Variants in MARCHF5 observed in about 807,000 individuals in gnomAD.
MARCHF5 encodes E3 ubiquitin-protein ligase MARCHF5.
MARCHF5 carries 5 observed loss-of-function variants against 36.5 expected under a neutral mutation model. That is an observed-to-expected ratio of 0.14 (90% confidence interval 0.07 to 0.29). The LOEUF (loss-of-function observed/expected upper bound fraction) is 0.29, where lower values mean the gene tolerates loss of function less well. Ranked by LOEUF, MARCHF5 falls within the 10% of genes least tolerant of loss-of-function variation. MARCHF5 has a pLI of 1.00. For synonymous variants in MARCHF5, 103 were observed against 109.9 expected (o/e 0.94, Z 0.39); for missense variants, 179 against 336.3 (o/e 0.53, Z 3.66).
intron 3 of MARCHF5, among the ~76,000 whole-genome samples, chr10:92,342,609 A>G (rs1843593365): frequency 6.6e-6 from 1 of 152,186 alleles, no homozygotes. Flanking sequence ...TTCTTGGTTT[A>G]TCTGACTTCA....
At chr10:92,320,904 C>G (rs535183981) in intron 2 of MARCHF5, among the ~76,000 whole-genome samples, 2 of 152,174 alleles carry the variant, frequency 1.3e-5, no homozygotes, top group East Asian at 1.9e-4. Flanking sequence ...CACTGAATCA[C>G]CCAGAGCAAC....
chr10:92,322,308 C>G (rs1296926006), intron 2 of MARCHF5, among the ~76,000 whole-genome samples: 1 of 135,672 alleles, frequency 7.4e-6, no homozygotes, highest in Non-Finnish European at 1.6e-5. Context: ...TTCTTGCATT[C>G]TCTGTTTCAT....
rs1322325693 is a variant in MARCHF5 at position 92,353,148 on chromosome 10, C to G, written c.*1941C>G. 6.6e-6 allele frequency: 1 copy of G among 151,964 alleles called. No homozygotes were observed. The highest frequency in any genetic ancestry group is 6.6e-5 in the Admixed American group (1 of 15,238). The allele number at this position is 151,964 out of a possible 1,614,324, so 9.4% of individuals were successfully genotyped here. A position where few individuals can be genotyped will look rare whatever the true frequency, so the allele number is the denominator to read the frequency against. On this transcript the variant is annotated 3_prime_UTR_variant, in exon 6 of 6. Coordinates refer to ENST00000358935, the MANE Select transcript of MARCHF5 (RefSeq NM_017824.5). ...AGGAGGGAGGGTTTTTTTAGGGTTG[C>G]GGGGAGGGAACTGCAAGTGCCTGAG...
intron 2 of MARCHF5, among the ~76,000 whole-genome samples, chr10:92,330,597 C>T (rs1344826323): frequency 2.0e-5 from 3 of 152,114 alleles, no homozygotes; most frequent in African/African-American, 4.8e-5. Flanking sequence ...CTATATACCA[C>T]AAGTTTTTTC....
chr10:92,336,827 C>T (rs144044085), intron 2 of MARCHF5, among the ~76,000 whole-genome samples: 72 of 152,146 alleles, frequency 4.7e-4, no homozygotes, highest in African/African-American at 1.7e-3. Context: ...GAAAGAAAAA[C>T]GAGAGATGTT....
At chr10:92,308,396 A>G (rs1843102995) in intron 1 of MARCHF5, 2 of 152,130 alleles carry the variant, frequency 1.3e-5, no homozygotes, top group African/African-American at 2.4e-5. Flanking sequence ...CTTTACTGCA[A>G]CCTGTTTTAT....
intron 2 of MARCHF5, among the ~76,000 whole-genome samples, chr10:92,328,810 T>C (rs1843400262): frequency 1.5e-5 from 1 of 67,812 alleles, no homozygotes; most frequent in African/African-American, 3.8e-5. Flanking sequence ...ATTATATATA[T>C]ATATATATAT....
intron 5 of MARCHF5, 35 bp from the exon 6 acceptor site, chr10:92,351,056 G>A (rs1336420028): frequency 8.7e-7 from 1 of 1,143,338 alleles, no homozygotes; most frequent in Non-Finnish European, 1.3e-6. Flanking sequence ...CTCTAAATCT[G>A]CATTATAAAA....
At position 92,351,329 on chromosome 10, in the gene MARCHF5, AAT is replaced by A; in HGVS notation, c.*126_*127del. 1 of 610,850 alleles carries A rather than the reference AAT, an allele frequency of 1.6e-6. No homozygotes were observed. Among genetic ancestry groups the A allele is most frequent in the Non-Finnish European group, 2.9e-6 (1 of 348,618 alleles). The allele number at this position is 610,850 out of a possible 1,614,324, so 37.8% of individuals were successfully genotyped here. A position where few individuals can be genotyped will look rare whatever the true frequency, so the allele number is the denominator to read the frequency against. On this transcript the variant is annotated 3_prime_UTR_variant, in exon 6 of 6. Transcript: ENST00000358935. ...GCTGCTGCTCCTATATTTTTTAAGA[AAT>A]ATAATAAAGCACTTAGGGCAGGGGA...
At chr10:92,337,671 G>C (rs907802427) in intron 2 of MARCHF5, among the ~76,000 whole-genome samples, 1 of 151,958 alleles carries the variant, frequency 6.6e-6, no homozygotes, top group Non-Finnish European at 1.5e-5. Context: ...TAGCATGTTT[G>C]TTTGATGAGG....
In MARCHF5 at chr10:92,322,321, T is replaced by C. The variant is rs145568623; in HGVS notation, c.238+10984T>C. ...TATTCTTGCATTCTCTGTTTCATTT[T>C]TATCCACCCTAATATTTATGTCCTT... On this transcript the variant is annotated intron_variant, in intron 2 of 5. Coordinates refer to ENST00000358935, the MANE Select transcript of MARCHF5 (RefSeq NM_017824.5). Among the ~76,000 whole-genome samples, 199 of 150,892 alleles carry C rather than the reference T, an allele frequency of 1.3e-3. 3 individuals carry two copies. The East Asian group carries it at 0.036, about 27-fold the overall frequency.
chr10:92,302,422 C>T (rs529864624), intron 1 of MARCHF5, among the ~76,000 whole-genome samples: 166 of 150,010 alleles, frequency 1.1e-3, no homozygotes, highest in African/African-American at 3.6e-3. Context: ...ATAAGCAACA[C>T]GTAGTTTTCT....
chr10:92,347,888 A>G (rs1843672671), intron 3 of MARCHF5, among the ~76,000 whole-genome samples: 1 of 152,214 alleles, frequency 6.6e-6, no homozygotes, highest in Admixed American at 6.5e-5. Flanking sequence ...ACACTTTCAT[A>G]AAACATTTCT....
At chr10:92,298,483 C>G (rs1842974038) in intron 1 of MARCHF5, among the ~76,000 whole-genome samples, 1 of 152,202 alleles carries the variant, frequency 6.6e-6, no homozygotes, top group African/African-American at 2.4e-5. Flanking sequence ...GCCAATCAAT[C>G]TAAAACTAAG....
At chr10:92,334,244 CAAA>C (rs1843475853) in intron 2 of MARCHF5, among the ~76,000 whole-genome samples, 1 of 152,276 alleles carries the variant, frequency 6.6e-6, no homozygotes, top group Admixed American at 6.5e-5. Flanking sequence ...CAATGCAAAG[CAAA>C]AAGCAAACAG....
intron 1 of MARCHF5, among the ~76,000 whole-genome samples, chr10:92,299,924 G>A (rs1195471662): frequency 1.3e-5 from 2 of 152,046 alleles, no homozygotes; most frequent in Non-Finnish European, 2.9e-5. Context: ...CACTTTGGGA[G>A]GCTGAGGCAG....
chr10:92,298,782 C>T (rs563204375), intron 1 of MARCHF5, among the ~76,000 whole-genome samples: 1 of 152,236 alleles, frequency 6.6e-6, no homozygotes, highest in Admixed American at 6.5e-5. Context: ...AGGCTGGTCT[C>T]AAACTCCTGA....
At chr10:92,338,716 A>G (rs1473258288) in intron 2 of MARCHF5, among the ~76,000 whole-genome samples, 1 of 152,188 alleles carries the variant, frequency 6.6e-6, no homozygotes, top group Non-Finnish European at 1.5e-5. Flanking sequence ...GGGAGTCTTG[A>G]TCAGAGGCTC....
intron 2 of MARCHF5, among the ~76,000 whole-genome samples, chr10:92,325,220 T>C (rs1294416095): frequency 6.6e-6 from 1 of 151,998 alleles, no homozygotes; most frequent in East Asian, 1.9e-4. Flanking sequence ...CACATGCCTG[T>C]GGTCTCTGCT....
Sources: allele counts gnomAD v4.1 joint callset (sites outside exome capture counted in the v4.1 genomes callset), GRCh38; gene constraint gnomAD v4.1.1; transcripts MANE v1.5; gene names NCBI Gene and HGNC (gene_info 2026-07-23, HGNC 2026-07-21).